The following DLGAP4 variants were observed in gnomAD, a reference collection of about 807,000 sequenced individuals.
The protein encoded by DLGAP4 is DLG associated protein 4, also known as disks large-associated protein 4.
A neutral mutation model predicts 86.9 loss-of-function variants in DLGAP4; 18 were observed. That is an observed-to-expected ratio of 0.21 (90% CI 0.14 to 0.31). DLGAP4 has a LOEUF of 0.31. DLGAP4 is among the 10% of genes least tolerant of loss of function. The pLI, the probability that DLGAP4 is intolerant of heterozygous loss-of-function variation, is 1.00. For synonymous variants in DLGAP4, 548 were observed against 574.3 expected (o/e 0.95, Z 0.65); for missense variants, 1,085 against 1,362.6 (o/e 0.80, Z 3.21).
intron 7 of DLGAP4, among the ~76,000 whole-genome samples, chr20:36,482,565 G>A (rs777540159): frequency 6.6e-6 from 1 of 152,152 alleles, no homozygotes; most frequent in Admixed American, 6.5e-5. Context: ...CAGACCAAGC[G>A]GGCTGCACAT....
chr20:36,349,137 A>T (rs868960640), intron 1 of DLGAP4, among the ~76,000 whole-genome samples: 1 of 111,754 alleles, frequency 8.9e-6, no homozygotes, highest in Non-Finnish European at 1.8e-5. Flanking sequence ...AAAAAAAAAA[A>T]GCCGGGTGCA....
At chr20:36,486,633 GA>G (rs2035427598) in intron 7 of DLGAP4, among the ~76,000 whole-genome samples, 1 of 147,990 alleles carries the variant, frequency 6.8e-6, no homozygotes, top group South Asian at 2.2e-4. Flanking sequence ...TTTTTGAGAT[GA>G]AATTTTGCTT....
At chr20:36,479,010 A>G (rs942978371) in intron 7 of DLGAP4, among the ~76,000 whole-genome samples, 1 of 152,208 alleles carries the variant, frequency 6.6e-6, no homozygotes, top group African/African-American at 2.4e-5. Context: ...GCCACTCCTC[A>G]GTGTGGCTGA....
At chr20:36,437,915 T>G (rs1275394) in intron 4 of DLGAP4, among the ~76,000 whole-genome samples, 134,376 of 152,052 alleles carry the variant, frequency 0.88, 59,568 homozygotes, top group African/African-American at 0.94. Flanking sequence ...ATCTTTTTTG[T>G]GGGGATGTGG....
At chr20:36,456,371 A>G (rs911588762) in intron 7 of DLGAP4, among the ~76,000 whole-genome samples, 7 of 152,164 alleles carry the variant, frequency 4.6e-5, no homozygotes, top group African/African-American at 1.7e-4. Context: ...TAATGAAGGT[A>G]TGTTACAGGA....
chr20:36,459,854 G>A (rs537004101), intron 7 of DLGAP4, among the ~76,000 whole-genome samples: 2 of 152,254 alleles, frequency 1.3e-5, no homozygotes, highest in South Asian at 2.1e-4. Context: ...TGATCCTCCC[G>A]CCTTGGCCTC....
At chr20:36,478,284 A>C (rs1167138470) in intron 7 of DLGAP4, among the ~76,000 whole-genome samples, 1 of 152,036 alleles carries the variant, frequency 6.6e-6, no homozygotes, top group Non-Finnish European at 1.5e-5. Context: ...GGCAAAACCA[A>C]TCAACCAGAA....
chr20:36,346,088 C>T (rs1555892940), intron 1 of DLGAP4, among the ~76,000 whole-genome samples: 1 of 152,170 alleles, frequency 6.6e-6, no homozygotes, highest in African/African-American at 2.4e-5. Flanking sequence ...CAGACAATGA[C>T]CTCTCACCTG....
intron 1 of DLGAP4, among the ~76,000 whole-genome samples, chr20:36,362,081 C>G (rs2030541836): frequency 2.0e-5 from 3 of 151,474 alleles, no homozygotes; most frequent in African/African-American, 7.3e-5. Flanking sequence ...CACCTGAGGT[C>G]AGGAGTTCAA....
chr20:36,308,262 C>A lies in DLGAP4; in HGVS notation c.-304+1750C>A, dbSNP rs915047349. On this transcript the variant is annotated intron_variant, in intron 1 of 12. Transcript: ENST00000339266. This position sits in a 1 kb window ranked among gnomAD's most constrained non-coding sequence, Gnocchi z 4.5. ...TCCATGGCGACCCCGTACTCACCTG[C>A]CAGAGGCCTGGTGAGGCCTGTGCTG... is the stretch of plus-strand genomic sequence containing the variant. Among the ~76,000 whole-genome samples, 9 of 152,202 alleles carry A rather than the reference C, an allele frequency of 5.9e-5. No homozygotes were observed. Among genetic ancestry groups the A allele is most frequent in the Non-Finnish European group, 1.0e-4 (7 of 68,034 alleles).
intron 2 of DLGAP4, among the ~76,000 whole-genome samples, chr20:36,395,778 G>A (rs1344472827): frequency 6.6e-6 from 1 of 152,188 alleles, no homozygotes; most frequent in Non-Finnish European, 1.5e-5. Context: ...GACCTGGCCA[G>A]CACTGCCATT....
chr20:36,428,494 C>G (rs6018400), intron 2 of DLGAP4, among the ~76,000 whole-genome samples: 2 of 152,208 alleles, frequency 1.3e-5, no homozygotes, highest in Non-Finnish European at 2.9e-5. Flanking sequence ...GTTGGAGAAG[C>G]TGGTGGAAGC....
chr20:36,462,384 C>CGCCGTATCATTAAAAAA, intron 7 of DLGAP4: 9 of 1,355,128 alleles, frequency 6.6e-6, no homozygotes, highest in South Asian at 5.6e-5. Context: ...TCTCGGTGGT[C>CGCCGTATCATTAAAAAA]TCGCCACTCT....
chr20:36,429,403 T>C (rs1292830213), intron 2 of DLGAP4, among the ~76,000 whole-genome samples: 73 of 139,684 alleles, frequency 5.2e-4, no homozygotes, highest in African/African-American at 1.9e-4. Flanking sequence ...TTTTTCTTTT[T>C]TTTTTTTTTT....
intron 1 of DLGAP4, among the ~76,000 whole-genome samples, chr20:36,314,870 ATGTGGTGTG>A (rs1441388024): frequency 9.5e-6 from 1 of 105,368 alleles, no homozygotes; most frequent in Non-Finnish European, 1.9e-5. Flanking sequence ...TGATGTGGGT[ATGTGGTGTG>A]TGTGGTGTGT....
chr20:36,512,925 G>A (rs1470953316), intron 10 of DLGAP4, among the ~76,000 whole-genome samples: 2 of 120,820 alleles, frequency 1.7e-5, no homozygotes, highest in African/African-American at 6.6e-5. Context: ...AGGGGTCTCA[G>A]AGGCCCTTTT....
intron 9 of DLGAP4, 151 bp downstream of exon 9, chr20:36,499,827 G>T: frequency 1.4e-6 from 1 of 707,692 alleles, no homozygotes; most frequent in East Asian, 2.7e-5. Context: ...GGCATGGGAG[G>T]CTGGGCAGGG....
chr20:36,517,392 G>A (rs1195125764), intron 10 of DLGAP4, among the ~76,000 whole-genome samples: 2 of 151,946 alleles, frequency 1.3e-5, no homozygotes, highest in Admixed American at 6.6e-5. Flanking sequence ...TCAACCTCCC[G>A]AGTAGCTTGG....
At position 36,446,808 on chromosome 20, in the gene DLGAP4, C is replaced by T. The variant is rs371961479; in HGVS notation, c.1519C>T (p.Arg507Cys). The change falls in exon 7 of 13, where the codon CGC (arginine) becomes TGC (cysteine). Residue 507 changes from arginine to cysteine, a missense_variant. Around this residue, in one of 2 missense-constraint regions of DLGAP4, gnomAD observed 1,082 missense variants for 1,344.1 expected, o/e 0.81. Transcript: ENST00000339266. ...TGACTTGCCACTGCCCAGCTACTTC[C>T]GCTCCCGCAGCCACAGCTACCTGCG... ...TLDLPLPSYF[R>C]SRSHSYLRAI... The T allele has an allele frequency of 1.1e-5, 18 of 1,612,590 alleles. No homozygotes were observed. The highest frequency in any genetic ancestry group is 1.5e-5 in the Non-Finnish European group (18 of 1,179,778).
Sources: gnomAD v4.1 joint callset for allele counts (sites outside exome capture counted in the v4.1 genomes callset) on GRCh38, gnomAD v4.1.1 for gene constraint, gnomAD v4.1.1 regional missense constraint, Gnocchi (gnomAD v3.1) non-coding constraint, MANE v1.5 for transcripts, NCBI Gene and HGNC (gene_info 2026-07-23, HGNC 2026-07-21) for gene names.